FAT2: variants seen among roughly 807,000 people sequenced by gnomAD.
The protein encoded by FAT2 is FAT atypical cadherin 2, also known as protocadherin Fat 2.
In FAT2, 150 loss-of-function variants were observed where a neutral mutation model predicts 295.3. That is an observed-to-expected ratio of 0.51 (90% CI 0.44 to 0.58). FAT2 has a LOEUF of 0.58. Among genes scored for constraint, FAT2 ranks in the 20% least tolerant of loss-of-function variants. The probability of loss-of-function intolerance (pLI) is 0.00; values close to 1 mark genes in which losing one functional copy is unlikely to be tolerated. For missense variants in FAT2, 4,868 were observed against 5,442.7 expected, an observed-to-expected ratio of 0.89 and a Z score of 3.32; for synonymous variants, 2,026 against 2,150.3, an observed-to-expected ratio of 0.94 and a Z score of 1.60.
Position 151,553,269 on chromosome 5 carries a change from C to T in FAT2, c.4064G>A (p.Ser1355Asn), listed in dbSNP as rs1315100196. The T allele has an allele frequency of 6.2e-7, 1 of 1,614,130 alleles. No individual in the cohort carries two copies. Among genetic ancestry groups the T allele is most frequent in the East Asian group, 2.2e-5 (1 of 44,898 alleles). ...AGGGTCCGTCTCCATGACCGTAAAG[C>T]TGTAGTAGGTCTCATCAAAGGCCAG... is the stretch of plus-strand genomic sequence containing the variant. ...IPLAFDETYY[S>N]FTVMETDPVN... Residue 1355 changes from serine (S) to asparagine (N), a missense_variant, in exon 6 of 24, where the codon AGC (serine) becomes AAC (asparagine). Around this residue, in one of 5 missense-constraint regions of FAT2, gnomAD observed 3,297 missense variants for 3,669.4 expected, o/e 0.90. Coordinates refer to ENST00000261800, the MANE Select transcript of FAT2 (RefSeq NM_001447.3).
At chr5:151,592,987 C>T (rs538019469), upstream of FAT2, among the ~76,000 whole-genome samples, 11 of 152,346 alleles carry the variant, frequency 7.2e-5, no homozygotes, top group Non-Finnish European at 1.5e-4. Flanking sequence ...TGACCACAGG[C>T]ATCAAGCAGG....
At position 151,581,577 on chromosome 5, in the gene FAT2, C is replaced by T. The variant is rs138775903; in HGVS notation, c.-21+9588G>A. Among the ~76,000 whole-genome samples, 686 of 152,250 alleles carry T rather than the reference C, an allele frequency of 4.5e-3. 4 individuals are homozygous for T. Among genetic ancestry groups the T allele is most frequent in the African/African-American group, 0.015 (640 of 41,544 alleles). ...ACATTTATTGAACATTTATTGGGTGCCAGGCCCTGTGGTGAGCACTTGGCA... is the reference window on the plus strand; with the variant it reads ...ACATTTATTGAACATTTATTGGGTGTCAGGCCCTGTGGTGAGCACTTGGCA... On this transcript the variant is annotated intron_variant, in intron 1 of 23. Transcript: ENST00000261800.
chr5:151,587,305 G>A (rs1759217188), intron 1 of FAT2, among the ~76,000 whole-genome samples: 1 of 151,802 alleles, frequency 6.6e-6, no homozygotes, highest in African/African-American at 2.4e-5. Flanking sequence ...TTTTGAAAAT[G>A]ACATGCTCCT....
intron 11 of FAT2, among the ~76,000 whole-genome samples, chr5:151,540,357 C>T (rs928235327): frequency 1.3e-5 from 2 of 151,848 alleles, no homozygotes; most frequent in Non-Finnish European, 2.9e-5. Flanking sequence ...TCTCCTGCCC[C>T]TCACTCTCTG....
rs1754641979 is a variant in FAT2, at chr5:151,531,782, C to A, written c.9616G>T (p.Val3206Phe). The change falls in exon 14 of 24, where the codon GTC becomes TTC. Residue 3206 changes from valine (V) to phenylalanine (F), a missense_variant. Val to Phe is a conservative substitution (Grantham distance 50). Coordinates refer to ENST00000261800, the MANE Select transcript of FAT2 (RefSeq NM_001447.3). The surrounding 1 kb of genome is among the most constrained non-coding windows in gnomAD (Gnocchi z 5.7). The stretch of plus-strand genomic sequence containing the variant: ...TAGTCTTCTAGGCCCACCACCGAGA[C>A]TGTGACGGTGCCCAGCGTGGACAGC... ...IPLSTLGTVTVSVVGLEDYLP... is the reference protein window; with the variant it reads ...IPLSTLGTVTFSVVGLEDYLP... The A allele has an allele frequency of 5.0e-6, 8 of 1,612,718 alleles. No individual in the cohort carries two copies. Among genetic ancestry groups the A allele is most frequent in the Non-Finnish European group, 6.8e-6 (8 of 1,180,012 alleles).
rs1758333265 is a variant in FAT2 at position 151,567,510 on chromosome 5, G to A, written c.1422C>T (p.Gly474=). ...TGGCAGTCACAGCCAAAACACTGGT[G>A]CCTGGAGGGATGTTCTCATCCAAGG... ...DGTLDENIPP[G]TSVLAVTATD... The change falls in exon 2 of 24, where the codon GGC becomes GGT. Residue 474 remains glycine, a synonymous_variant. Transcript: ENST00000261800. 1.2e-6 allele frequency: 2 copies of A among 1,614,156 alleles called. No individual in the cohort carries two copies. The highest frequency in any genetic ancestry group is 1.7e-6 in the Non-Finnish European group (2 of 1,180,020).
chr5:151,566,857 T>G lies in FAT2; in HGVS notation c.2075A>C (p.Gln692Pro). ...AGTGAATTCCTCATCACTGGACTCC[T>G]GGTTCTGAAGCCCAATAAAGTGGAG... is the stretch of plus-strand genomic sequence containing the variant. ...TILHFIGLQN[Q>P]ESSDEEFTSL... is the part of the protein sequence containing the mutation. The change falls in exon 2 of 24, where the codon CAG becomes CCG. Residue 692 changes from glutamine to proline, a missense_variant. Gln to Pro is a moderately conservative substitution (Grantham distance 76, BLOSUM62 -1). Transcript: ENST00000261800. The G allele has an allele frequency of 1.2e-6, 2 of 1,614,204 alleles. No individual in the cohort carries two copies. Among genetic ancestry groups the G allele is most frequent in the African/African-American group, 1.3e-5 (1 of 75,052 alleles).
In FAT2 at chr5:151,540,647, A is replaced by G; in HGVS notation, c.8959T>C (p.Ser2987Pro). 6.2e-7 allele frequency: 1 copy of G among 1,614,194 alleles called. No homozygotes were observed. The highest frequency in any genetic ancestry group is 8.5e-7 in the Non-Finnish European group (1 of 1,180,030). ...ACCGAAGCCTGGAACTTGCCATCAGATGCTGTGACTCTGAGCAAGTACTTG... is the reference window on the plus strand; with the variant it reads ...ACCGAAGCCTGGAACTTGCCATCAGGTGCTGTGACTCTGAGCAAGTACTTG... ...TAKYLLRVTA[S>P]DGKFQASVTV... Residue 2987 changes from serine (S) to proline (P), a missense_variant, in exon 11 of 24, where the codon TCT (serine) becomes CCT (proline). This residue lies in a region of FAT2 where 3,297 missense variants were observed against 3,669.4 expected (regional missense o/e 0.90). Coordinates refer to ENST00000261800, the MANE Select transcript of FAT2 (RefSeq NM_001447.3).
At chr5:151,556,716 T>C (rs1439731583) in intron 3 of FAT2, among the ~76,000 whole-genome samples, 3 of 152,210 alleles carry the variant, frequency 2.0e-5, no homozygotes, top group Non-Finnish European at 4.4e-5. Flanking sequence ...TACTTTATTT[T>C]AAAATAGGCT....
intron 2 of FAT2, among the ~76,000 whole-genome samples, chr5:151,565,161 T>A (rs1208700903): frequency 6.6e-6 from 1 of 152,186 alleles, no homozygotes; most frequent in East Asian, 1.9e-4. Flanking sequence ...CATGGTAGAA[T>A]AATATGTGGC....
chr5:151,528,653 A>G (rs1561831881), intron 15 of FAT2, among the ~76,000 whole-genome samples: 1 of 152,176 alleles, frequency 6.6e-6, no homozygotes, highest in East Asian at 1.9e-4. Context: ...GTTGGAGCAT[A>G]GGGTGCACCA....
At chr5:151,518,896 C>A (rs1486267572) in intron 19 of FAT2, among the ~76,000 whole-genome samples, 1 of 152,180 alleles carries the variant, frequency 6.6e-6, no homozygotes, top group Admixed American at 6.5e-5. Flanking sequence ...ATCCCCAAAA[C>A]CCCAGTGTAA....
rs756077889 is a variant in FAT2 at position 151,550,620 on chromosome 5, C to T, written c.4548G>A (p.Ser1516=). 9.9e-6 allele frequency: 16 copies of T among 1,614,004 alleles called. No individual in the cohort carries two copies. The highest frequency in any genetic ancestry group is 2.7e-5 in the African/African-American group (2 of 74,900). The stretch of plus-strand genomic sequence containing the variant: ...CTGTCAGTGTGTGCTGGGAGGGCCC[C>T]GAGCCGAGGTCCAATTTTCCCACCG... The part of the protein sequence containing the change: ...LVTVGKLDLG[S]GPSQHTLTVM... Residue 1516 remains serine, a synonymous_variant, in exon 8 of 24, where the codon TCG becomes TCA. Transcript: ENST00000261800.
In FAT2 at chr5:151,531,839, C is replaced by T. The variant is rs1754652614; in HGVS notation, c.9559G>A (p.Val3187Ile). The T allele has an allele frequency of 1.2e-6, 2 of 1,613,888 alleles. No individual in the cohort carries two copies. Among genetic ancestry groups the T allele is most frequent in the African/African-American group, 2.7e-5 (2 of 74,920 alleles). ...GGGGTGCCCAGGTCAGAGGCACGGA[C>T]CGTGAGCTCCAGTGGTGCCTGGGGC... ...VRPQAPLELT[V>I]RASDLGTPIP... The change falls in exon 14 of 24, where the codon GTC becomes ATC. Residue 3187 changes from valine to isoleucine, a missense_variant. Transcript: ENST00000261800. The surrounding 1 kb of genome is among the most constrained non-coding windows in gnomAD (Gnocchi z 5.7).
At position 151,566,360 on chromosome 5, in the gene FAT2, T is replaced by C. The variant is rs562669831; in HGVS notation, c.2572A>G (p.Thr858Ala). 7.9e-5 allele frequency: 127 copies of C among 1,614,090 alleles called. 1 individual carries two copies. The South Asian group carries it at 1.4e-3, about 17-fold the overall frequency. ...AACTTCTCTGTGGGACTTAGCAGGG[T>C]GTAGCGAACCCTGCCATTGTCTTCC... ...DSEDNGRVRY[T>A]LLSPTEKFSL... is the part of the protein sequence containing the mutation. Residue 858 changes from threonine to alanine, a missense_variant, in exon 2 of 24, where the codon ACC becomes GCC. By Grantham distance (58) the Thr-to-Ala change is moderately conservative (BLOSUM62 0). Coordinates refer to ENST00000261800, the MANE Select transcript of FAT2 (RefSeq NM_001447.3).
intron 23 of FAT2, among the ~76,000 whole-genome samples, chr5:151,506,717 G>C (rs1020533568): frequency 6.6e-6 from 1 of 152,206 alleles, no homozygotes; most frequent in Non-Finnish European, 1.5e-5. Context: ...CCCCTTTTGA[G>C]CCAAAGATGA....
chr5:151,544,172 A>G lies in FAT2; in HGVS notation c.6955T>C (p.Ser2319Pro). Residue 2319 changes from serine (S) to proline (P), a missense_variant, in exon 10 of 24, where the codon TCC (serine) becomes CCC (proline). Coordinates refer to ENST00000261800, the MANE Select transcript of FAT2 (RefSeq NM_001447.3). ...YQIVEDGSDV[S>P]KFFQINGSTG... ...CTCCCATTGATCTGGAAGAACTTGG[A>G]AACATCTGAGCCATCCTCCACAATC... 1 of 1,614,232 alleles carries G rather than the reference A, an allele frequency of 6.2e-7. No individual in the cohort carries two copies. The highest frequency in any genetic ancestry group is 8.5e-7 in the Non-Finnish European group (1 of 1,180,040).
rs1761361370 is a variant in FAT2 at position 151,512,038 on chromosome 5, A to C, written c.11905+127T>G. ...TATTGCAGATTCCAACCTGTTACTC[A>C]CAAGTTAGGGGAAGAGAGAGAAATT... On this transcript the variant is annotated intron_variant, in intron 21 of 23. Transcript: ENST00000261800. This position sits in a 1 kb window ranked among gnomAD's most constrained non-coding sequence, Gnocchi z 4.1. The C allele has an allele frequency of 1.2e-6, 1 of 813,818 alleles. No individual in the cohort carries two copies. Among genetic ancestry groups the C allele is most frequent in the Non-Finnish European group, 1.9e-6 (1 of 516,618 alleles). 50.4% of individuals were successfully genotyped at this position (813,818 alleles called of 1,614,324 possible). A position where few individuals can be genotyped will look rare whatever the true frequency, so the allele number is the denominator to read the frequency against.
rs749648049 is a variant in FAT2, at chr5:151,544,549, G to A, written c.6578C>T (p.Thr2193Ile). Reference protein sequence around the residue: ...NITLYTPILHTQARSPEGLRL... With the variant: ...NITLYTPILHIQARSPEGLRL... ...GAGTCCCTCTGGACTCCGGGCCTGG[G>A]TGTGGAGAATTGGGGTATAGAGGGT... The change falls in exon 10 of 24, where the codon ACC becomes ATC. Residue 2193 changes from threonine to isoleucine, a missense_variant. Around this residue, in one of 5 missense-constraint regions of FAT2, gnomAD observed 3,297 missense variants for 3,669.4 expected, o/e 0.90. Transcript: ENST00000261800. 6.2e-7 allele frequency: 1 copy of A among 1,614,060 alleles called. No individual in the cohort carries two copies. The highest frequency in any genetic ancestry group is 1.7e-5 in the Admixed American group (1 of 60,020).
Sources: gnomAD v4.1 joint callset for allele counts (sites outside exome capture counted in the v4.1 genomes callset) on GRCh38, gnomAD v4.1.1 for gene constraint, gnomAD v4.1.1 regional missense constraint, Gnocchi (gnomAD v3.1) non-coding constraint, MANE v1.5 for transcripts, NCBI Gene and HGNC (gene_info 2026-07-23, HGNC 2026-07-21) for gene names.